The following PDE4D variants were observed in gnomAD, a reference collection of about 807,000 sequenced individuals.
PDE4D encodes 3',5'-cyclic-AMP phosphodiesterase 4D.
Under a neutral mutation model 87.4 loss-of-function variants are expected in PDE4D, and 24 were observed. The observed-to-expected ratio is 0.27, with a 90% CI of 0.20 to 0.39. The LOEUF is 0.39. PDE4D is among the 10% of genes least tolerant of loss of function. The pLI is 1.00. For synonymous variants in PDE4D, 384 were observed against 383.2 expected, an observed-to-expected ratio of 1.00 and a Z score of -0.02; for missense variants, 714 against 1,041.0, an observed-to-expected ratio of 0.69 and a Z score of 4.32.
chr5:59,448,663 G>A (rs528439487), intron 1 of PDE4D, among the ~76,000 whole-genome samples: 10 of 152,112 alleles, frequency 6.6e-5, no homozygotes, highest in East Asian at 5.8e-4. Flanking sequence ...CCTTTTTGGC[G>A]GGGGAGGTGG....
intron 1 of PDE4D, among the ~76,000 whole-genome samples, chr5:59,521,746 A>G (rs1482176844): frequency 6.6e-6 from 1 of 152,154 alleles, no homozygotes; most frequent in South Asian, 2.1e-4. Flanking sequence ...CCATCTCTAC[A>G]GTTAAGTTTA....
At chr5:59,094,547 C>T (rs1253116886) in intron 5 of PDE4D, among the ~76,000 whole-genome samples, 1 of 151,854 alleles carries the variant, frequency 6.6e-6, no homozygotes, top group Non-Finnish European at 1.5e-5. Context: ...CTATTGCGTG[C>T]CCAGGGCAAT....
intron 1 of PDE4D, among the ~76,000 whole-genome samples, chr5:59,859,676 G>C (rs1220002852): frequency 6.6e-6 from 1 of 152,104 alleles, no homozygotes; most frequent in Non-Finnish European, 1.5e-5. Context: ...GTGTTAAAAG[G>C]ATATGAATTT....
chr5:59,379,846 T>C (rs1194117083), intron 1 of PDE4D, among the ~76,000 whole-genome samples: 1 of 152,140 alleles, frequency 6.6e-6, no homozygotes, highest in Non-Finnish European at 1.5e-5. Flanking sequence ...TCAATGTTTA[T>C]TTTAGATTTA....
rs868327990 is a variant in PDE4D at position 59,144,901 on chromosome 5, G to C, written c.808+35694C>G. Among the ~76,000 whole-genome samples the C allele has an allele frequency of 5.0e-5, 7 of 139,294 alleles. No individual in the cohort carries two copies. In the South Asian group the frequency reaches 8.6e-4, roughly 17 times the overall value. 91.4% of individuals were successfully genotyped at this position (139,294 alleles called of 152,430 possible). ...TTAATAGGGTTTAATGGGGGGGGGG[G>C]GGGGAACCATCCAGAAGCTGATTGT... On this transcript the variant is annotated intron_variant, in intron 5 of 14. Coordinates refer to ENST00000340635, the MANE Select transcript of PDE4D (RefSeq NM_001104631.2).
intron 5 of PDE4D, among the ~76,000 whole-genome samples, chr5:59,051,628 G>A (rs1457669577): frequency 6.6e-6 from 1 of 152,092 alleles, no homozygotes; most frequent in Non-Finnish European, 1.5e-5. Context: ...GATTTCTAAT[G>A]GACACGAACC....
chr5:59,554,033 A>G (rs530977220), intron 1 of PDE4D, among the ~76,000 whole-genome samples: 55 of 152,232 alleles, frequency 3.6e-4, no homozygotes, highest in African/African-American at 1.3e-3. Flanking sequence ...GGGCAGCCCT[A>G]AGGAAAAAGA....
At chr5:59,007,892 A>G (rs1318361390) in intron 6 of PDE4D, among the ~76,000 whole-genome samples, 1 of 152,100 alleles carries the variant, frequency 6.6e-6, no homozygotes. Flanking sequence ...TGTATGGAGA[A>G]AGGAAACCAT....
chr5:59,613,608 G>C (rs989876625), intron 1 of PDE4D, among the ~76,000 whole-genome samples: 1 of 152,166 alleles, frequency 6.6e-6, no homozygotes, highest in Admixed American at 6.5e-5. Flanking sequence ...AAGGGAAAAG[G>C]GGGAAAGCCA....
chr5:60,470,963 T>C (rs549386942), intron 1 of PDE4D, among the ~76,000 whole-genome samples: 3 of 152,272 alleles, frequency 2.0e-5, no homozygotes, highest in African/African-American at 7.2e-5. Flanking sequence ...ATTTAAGAAA[T>C]ATATTTTTGT....
At chr5:60,380,595 C>T (rs548633826) in intron 1 of PDE4D, among the ~76,000 whole-genome samples, 13 of 152,136 alleles carry the variant, frequency 8.5e-5, no homozygotes, top group African/African-American at 1.4e-4. Context: ...AATAGACAAA[C>T]GGCAGCATCA....
At chr5:60,471,743 G>T (rs1232823484) in intron 1 of PDE4D, among the ~76,000 whole-genome samples, 3 of 152,046 alleles carry the variant, frequency 2.0e-5, no homozygotes, top group Non-Finnish European at 4.4e-5. Flanking sequence ...ACTTTTTTTA[G>T]ATATAATGCT....
At chr5:59,146,387 C>T (rs1351333531) in intron 5 of PDE4D, among the ~76,000 whole-genome samples, 1 of 151,914 alleles carries the variant, frequency 6.6e-6, no homozygotes, top group Non-Finnish European at 1.5e-5. Flanking sequence ...TTCTAGGGCA[C>T]GTTTTGAATT....
intron 5 of PDE4D, among the ~76,000 whole-genome samples, chr5:59,151,991 A>C (rs1779544252): frequency 6.6e-6 from 1 of 152,142 alleles, no homozygotes; most frequent in Admixed American, 6.5e-5. Context: ...GAAAAGGAGA[A>C]GATCGGAGAA....
intron 3 of PDE4D, among the ~76,000 whole-genome samples, chr5:59,904,598 T>G (rs540013785): frequency 1.3e-4 from 20 of 152,278 alleles, no homozygotes; most frequent in Non-Finnish European, 2.5e-4. Context: ...ACAAATGTGA[T>G]ACTTTTCAGC....
intron 3 of PDE4D, among the ~76,000 whole-genome samples, chr5:59,925,621 T>C (rs1755169147): frequency 6.6e-6 from 1 of 152,010 alleles, no homozygotes; most frequent in African/African-American, 2.4e-5. Flanking sequence ...CTACAAGAAA[T>C]GCACTTCGCT....
chr5:59,161,107 C>T (rs1011647839), intron 5 of PDE4D, among the ~76,000 whole-genome samples: 4 of 151,924 alleles, frequency 2.6e-5, no homozygotes, highest in South Asian at 2.1e-4. Context: ...CTCCCACCCC[C>T]GCCAACAAAA....
intron 1 of PDE4D, among the ~76,000 whole-genome samples, chr5:60,425,248 A>C (rs1743586022): frequency 6.6e-6 from 1 of 152,238 alleles, no homozygotes. Flanking sequence ...CCAACAGAAG[A>C]AAGCTGGAAG....
rs183215714 is a variant in PDE4D at position 59,514,306 on chromosome 5, C to T, written c.456-298338G>A. 6.4e-3 allele frequency among the ~76,000 whole-genome samples: 978 copies of T among 152,062 alleles called. 39 individuals carry two copies. The East Asian group carries it at 0.077, about 12-fold the overall frequency. On this transcript the variant is annotated intron_variant, in intron 1 of 14. Coordinates refer to ENST00000340635, the MANE Select transcript of PDE4D (RefSeq NM_001104631.2). ...ATTTTTAGTAGAGACAGGGTTTCACCGTGTTAGCCAGGATGGTCTCGATCT... is the reference window on the plus strand; with the variant it reads ...ATTTTTAGTAGAGACAGGGTTTCACTGTGTTAGCCAGGATGGTCTCGATCT...
Sources: gnomAD v4.1 joint callset for allele counts (sites outside exome capture counted in the v4.1 genomes callset) on GRCh38, gnomAD v4.1.1 for gene constraint, MANE v1.5 for transcripts, NCBI Gene and HGNC (gene_info 2026-07-23, HGNC 2026-07-21) for gene names.